Variants in PLEKHG5 observed in about 807,000 individuals in gnomAD.
PLEKHG5 encodes the protein pleckstrin homology domain-containing family G member 5.
Under a neutral mutation model 103.8 loss-of-function variants are expected in PLEKHG5, and 52 were observed. That is an observed-to-expected ratio of 0.50 (90% confidence interval 0.40 to 0.63). The LOEUF (loss-of-function observed/expected upper bound fraction) is 0.63. Ranked by LOEUF, PLEKHG5 falls within the 30% of genes least tolerant of loss-of-function variation. PLEKHG5 has a pLI of 0.00. For missense variants in PLEKHG5, 1,205 were observed against 1,347.6 expected (o/e 0.89, Z 1.66); for synonymous variants, 592 against 575.5 (o/e 1.03, Z -0.41).
rs1644455930 is a variant in PLEKHG5 at position 6,468,282 on chromosome 1, G to T, written c.2554C>A (p.Pro852Thr). 1 of 1,608,548 alleles carries T rather than the reference G, an allele frequency of 6.2e-7. No homozygotes were observed. The change falls in exon 20 of 21, where the codon CCT becomes ACT. Residue 852 changes from proline (P) to threonine (T), a missense_variant. By Grantham distance (38) the Pro-to-Thr change is conservative. Coordinates refer to ENST00000377728, the MANE Select transcript of PLEKHG5 (RefSeq NM_020631.6). The stretch of plus-strand genomic sequence containing the variant: ...CGGCGGAGACGGGGCGAGGGTGGAG[G>T]GGAAGGAACTCGTGGGGACTCTGGG... ...RAPESPRVPS[P>T]PPSPRLRRRT...
Position 6,467,288 on chromosome 1 carries a change from G to A in PLEKHG5, c.*275C>T. ...GGGTAGAAGTAGGATGGGCAGCCTA[G>A]GAGCCCAGCCCTGAAGACTCGAGCT... On this transcript the variant is annotated 3_prime_UTR_variant, in exon 21 of 21. Coordinates refer to ENST00000377728, the MANE Select transcript of PLEKHG5 (RefSeq NM_020631.6). 1.7e-6 allele frequency: 1 copy of A among 586,782 alleles called. No individual in the cohort carries two copies. Among genetic ancestry groups the A allele is most frequent in the Non-Finnish European group, 3.1e-6 (1 of 323,264 alleles). The allele number at this position is 586,782 out of a possible 1,614,324, so 36.3% of individuals were successfully genotyped here. A position where few individuals can be genotyped will look rare whatever the true frequency, so the allele number is the denominator to read the frequency against.
At position 6,467,199 on chromosome 1, in the gene PLEKHG5, G is replaced by A. The variant is rs895293564; in HGVS notation, c.*364C>T. ...CTTCACAGAACCCAGCCCAAGCCAG[G>A]GGTGGCCTGTGGGACTGGGAAGGTG... On this transcript the variant is annotated 3_prime_UTR_variant, in exon 21 of 21. Coordinates refer to ENST00000377728, the MANE Select transcript of PLEKHG5 (RefSeq NM_020631.6). The A allele has an allele frequency of 4.2e-6, 2 of 474,222 alleles. No homozygotes were observed. Among genetic ancestry groups the A allele is most frequent in the Non-Finnish European group, 7.8e-6 (2 of 256,436 alleles). 29.4% of individuals were successfully genotyped at this position (474,222 alleles called of 1,614,324 possible). A position where few individuals can be genotyped will look rare whatever the true frequency, so the allele number is the denominator to read the frequency against.
upstream of PLEKHG5, among the ~76,000 whole-genome samples, chr1:6,501,656 A>G (rs1382714048): frequency 3.9e-5 from 6 of 152,092 alleles, no homozygotes; most frequent in Non-Finnish European, 5.9e-5. This position sits in a 1 kb window ranked among gnomAD's most constrained non-coding sequence, Gnocchi z 4.3. Context: ...GAGGGTAGAG[A>G]GATTTGCCCA....
chr1:6,467,266 T>G lies in PLEKHG5; in HGVS notation c.*297A>C, dbSNP rs1569821639. On this transcript the variant is annotated 3_prime_UTR_variant, in exon 21 of 21. Coordinates refer to ENST00000377728, the MANE Select transcript of PLEKHG5 (RefSeq NM_020631.6). ...GAATCCCACTGGAGGCCAGTGAGGG[T>G]AGAAGTAGGATGGGCAGCCTAGGAG... The G allele has an allele frequency of 1.8e-6, 1 of 559,602 alleles. No homozygotes were observed. Among genetic ancestry groups the G allele is most frequent in the South Asian group, 2.0e-5 (1 of 50,912 alleles). The allele number at this position is 559,602 out of a possible 1,614,324, so 34.7% of individuals were successfully genotyped here. A position where few individuals can be genotyped will look rare whatever the true frequency, so the allele number is the denominator to read the frequency against.
Position 6,477,516 on chromosome 1 carries a change from C to T in PLEKHG5, c.43+13G>A, listed in dbSNP as rs78593902. ...GCTCTGGGGGCCGAGCTGCGGCTCC[C>T]GCCTGTGCTCACCTTGTGGGGGAAG... On this transcript the variant is annotated intron_variant, in intron 2 of 20. Transcript: ENST00000377728. 21,075 of 1,609,430 alleles carry T rather than the reference C, an allele frequency of 0.013. 1,909 individuals carry two copies. The African/African-American group carries it at 0.22, about 17-fold the overall frequency.
intron 6 of PLEKHG5, 109 bp from the exon 7 acceptor site, chr1:6,474,273 C>A: frequency 7.0e-7 from 1 of 1,423,894 alleles, no homozygotes; most frequent in Non-Finnish European, 9.7e-7. Flanking sequence ...TGCCCTCCCC[C>A]GACAGCCCCG....
chr1:6,519,494 T>C, exon 1 of PLEKHG5: 1 of 1,614,074 alleles, frequency 6.2e-7, no homozygotes. Flanking sequence ...ACCCATGTTT[T>C]GTCAGGACTG....
intron 1 of PLEKHG5, among the ~76,000 whole-genome samples, chr1:6,508,329 C>T (rs1638381364): frequency 6.6e-6 from 1 of 152,212 alleles, no homozygotes; most frequent in Non-Finnish European, 1.5e-5. Context: ...CCTCTGCCTC[C>T]AAATGTGCCT....
At chr1:6,493,399 C>T (rs568472728), upstream of PLEKHG5, among the ~76,000 whole-genome samples, 49 of 152,332 alleles carry the variant, frequency 3.2e-4, 1 homozygote, top group South Asian at 9.9e-3. Context: ...CTTCAAAACG[C>T]TAGTCACATC....
At chr1:6,504,858 C>T (rs897753382) in intron 1 of PLEKHG5, among the ~76,000 whole-genome samples, 2 of 152,196 alleles carry the variant, frequency 1.3e-5, no homozygotes, top group Non-Finnish European at 2.9e-5. Context: ...CATGAGCCAC[C>T]GTGCCCAGCC....
rs1343598008 is a variant in PLEKHG5 at position 6,490,003 on chromosome 1, C to A, written c.-88+1634G>T. ...CGCATCCCCCACCCCTAAGTGGGTG[C>A]CTGGGTCTGCTCAGACTGCCCGAGG... is the stretch of plus-strand genomic sequence containing the variant. On this transcript the variant is annotated intron_variant, in intron 1 of 20. Coordinates refer to ENST00000377728, the MANE Select transcript of PLEKHG5 (RefSeq NM_020631.6). The surrounding 1 kb of genome is among the most constrained non-coding windows in gnomAD (Gnocchi z 8.0). Among the ~76,000 whole-genome samples the A allele has an allele frequency of 6.6e-6, 1 of 152,190 alleles. No homozygotes were observed. Among genetic ancestry groups the A allele is most frequent in the Non-Finnish European group, 1.5e-5 (1 of 68,020 alleles).
chr1:6,493,285 AG>A (rs1439088532), upstream of PLEKHG5, among the ~76,000 whole-genome samples: 1 of 152,158 alleles, frequency 6.6e-6, no homozygotes, highest in East Asian at 1.9e-4. Context: ...CACCTCCAGG[AG>A]GGCATCCCCT....
In PLEKHG5 at chr1:6,471,013, C is replaced by T; in HGVS notation, c.1369G>A (p.Asp457Asn). ...EYMRGLLRDN[D>N]LFRAYITWAE... is the part of the protein sequence containing the mutation. ...ACCGTGATGTAGGCCCGGAAGAGGT[C>T]GTTGTCGCGCAGCAGGCCGCGCATG... The change falls in exon 13 of 21, where the codon GAC becomes AAC. Residue 457 changes from aspartate to asparagine, a missense_variant. Physicochemically the swap from Asp to Asn is conservative, Grantham distance 23. Transcript: ENST00000377728. The T allele has an allele frequency of 6.2e-7, 1 of 1,605,232 alleles. No individual in the cohort carries two copies. Among genetic ancestry groups the T allele is most frequent in the Non-Finnish European group, 8.5e-7 (1 of 1,176,342 alleles).
chr1:6,474,608 ATG>A, intron 5 of PLEKHG5, 21 bp from the exon 6 acceptor site: 1 of 1,612,648 alleles, frequency 6.2e-7, no homozygotes, highest in Non-Finnish European at 8.5e-7. Context: ...GACAGGAGGC[ATG>A]TGTGTTAGAA....
chr1:6,496,966 ATCGC>A (rs1299263846), upstream of PLEKHG5: 2 of 1,529,918 alleles, frequency 1.3e-6, no homozygotes, highest in Non-Finnish European at 1.7e-6. Flanking sequence ...TACGCCCTGC[ATCGC>A]TCCCTTTAGA....
rs1290269177 is a variant in PLEKHG5, at chr1:6,473,380, C to T, written c.666G>A (p.Thr222=). The T allele has an allele frequency of 6.5e-6, 10 of 1,547,814 alleles. No individual in the cohort carries two copies. The highest frequency in any genetic ancestry group is 2.7e-5 in the African/African-American group (2 of 73,026). The change falls in exon 8 of 21, where the codon ACG becomes ACA. Residue 222 remains threonine (T), a synonymous_variant. Coordinates refer to ENST00000377728, the MANE Select transcript of PLEKHG5 (RefSeq NM_020631.6). ...EASIPGQEPP[T]PSSCSLPSGS... ...CGCTGGGCAGAGAGCAGCTGGAGGGCGTGGGGGGCTCCTGCCCGGGGATGC... is the reference window on the plus strand; with the variant it reads ...CGCTGGGCAGAGAGCAGCTGGAGGGTGTGGGGGGCTCCTGCCCGGGGATGC...
intron 1 of PLEKHG5, chr1:6,519,409 TC>T (rs1175203380): frequency 3.9e-6 from 6 of 1,549,732 alleles, no homozygotes; most frequent in Non-Finnish European, 5.4e-6. Context: ...TCCTCAAACC[TC>T]CTTTCTAGAC....
At position 6,470,730 on chromosome 1, in the gene PLEKHG5, G is replaced by A; in HGVS notation, c.1542+5C>T. On this transcript the variant is annotated splice_donor_5th_base_variant and intron_variant, in intron 14 of 20. Transcript: ENST00000377728. Reference sequence around the variant, plus strand: ...GGGACGGCTCCCGCTGGCCATCAGGGTTACCATGGCGACGACGGCCTCCTT... The same window carrying A: ...GGGACGGCTCCCGCTGGCCATCAGGATTACCATGGCGACGACGGCCTCCTT... 2 of 1,555,832 alleles carry A rather than the reference G, an allele frequency of 1.3e-6. No homozygotes were observed. The highest frequency in any genetic ancestry group is 1.9e-5 in the Admixed American group (1 of 52,098).
In PLEKHG5 at chr1:6,471,097, C is replaced by G; in HGVS notation, c.1285G>C (p.Gly429Arg). 1.9e-6 allele frequency: 3 copies of G among 1,577,288 alleles called. No homozygotes were observed. Among genetic ancestry groups the G allele is most frequent in the African/African-American group, 1.4e-5 (1 of 73,838 alleles). Residue 429 changes from glycine to arginine, a missense_variant, in exon 13 of 21, where the codon GGC (glycine) becomes CGC (arginine). Coordinates refer to ENST00000377728, the MANE Select transcript of PLEKHG5 (RefSeq NM_020631.6). ...CGGATGTAGGGCTTGAAGAGCGAGCCGAACTGGCCCGGGGCAGAACAACCA... is the reference window on the plus strand; with the variant it reads ...CGGATGTAGGGCTTGAAGAGCGAGCGGAACTGGCCCGGGGCAGAACAACCA... ...GDFLKGFKMFGSLFKPYIRYC... is the reference protein window; with the variant it reads ...GDFLKGFKMFRSLFKPYIRYC...
Sources: gnomAD v4.1 joint callset for allele counts (sites outside exome capture counted in the v4.1 genomes callset) on GRCh38, gnomAD v4.1.1 for gene constraint, Gnocchi (gnomAD v3.1) non-coding constraint, MANE v1.5 for transcripts, NCBI Gene and HGNC (gene_info 2026-07-23, HGNC 2026-07-21) for gene names.